Variants in FABP12 observed in about 807,000 individuals in gnomAD.
FABP12 encodes fatty acid-binding protein 12.
Under a neutral mutation model 13.7 loss-of-function variants are expected in FABP12, and 19 were observed. That is an observed-to-expected ratio of 1.39 (90% CI 0.97 to 2.04). FABP12 has a LOEUF of 2.04. Ranked by LOEUF, FABP12 falls within the 30% of genes most tolerant of loss-of-function variation. The pLI, the probability that FABP12 is intolerant of heterozygous loss-of-function variation, is 0.00. For synonymous variants in FABP12, 61 were observed against 57.0 expected (o/e 1.07, Z -0.32); for missense variants, 182 against 164.2 (o/e 1.11, Z -0.59).
chr8:81,574,309 G>A (rs1809992549), intron 1 of FABP12, among the ~76,000 whole-genome samples: 1 of 152,118 alleles, frequency 6.6e-6, no homozygotes, highest in African/African-American at 2.4e-5. Flanking sequence ...AAACCCACTC[G>A]ATCATGGTGG....
intron 4 of FABP12, chr8:81,525,752 C>T (rs1242346538): frequency 6.6e-6 from 1 of 151,988 alleles, no homozygotes; most frequent in East Asian, 1.9e-4. Flanking sequence ...ATTTTAAATG[C>T]CAACATTGAT....
Position 81,528,114 on chromosome 8 carries a change from G to A in FABP12, c.247-993C>T, listed in dbSNP as rs1369424991. Among the ~76,000 whole-genome samples the A allele has an allele frequency of 3.3e-5, 5 of 152,018 alleles. 1 individual carries two copies. In the South Asian group the frequency reaches 8.3e-4, roughly 25 times the overall value. ...TTGTTTTTGGAGATAGGGTATCACT[G>A]TGTCATCCAGGCTGGAATGCAGTGG... On this transcript the variant is annotated intron_variant, in intron 3 of 4. Coordinates refer to ENST00000360464, the Ensembl canonical transcript of FABP12.
Position 81,567,935 on chromosome 8 carries a change from C to A in FABP12, c.-185+22118G>T, listed in dbSNP as rs370143421. On this transcript the variant is annotated intron_variant, in intron 1 of 5. Coordinates refer to the FABP12 transcript ENST00000692030. Reference sequence around the variant, plus strand: ...AGGAGATCGAGACCATCCTGGCGAACAAGGTGAAACCCCGTCTCTACTAAA... The same window carrying A: ...AGGAGATCGAGACCATCCTGGCGAAAAAGGTGAAACCCCGTCTCTACTAAA... 2.2e-4 allele frequency among the ~76,000 whole-genome samples: 33 copies of A among 151,920 alleles called. No homozygotes were observed. In the East Asian group the frequency reaches 5.2e-3, roughly 24 times the overall value.
intron 1 of FABP12, among the ~76,000 whole-genome samples, chr8:81,588,197 T>C (rs946295607): frequency 1.3e-5 from 2 of 152,184 alleles, no homozygotes; most frequent in African/African-American, 4.8e-5. Context: ...AACAATACTT[T>C]GCATCCTTCA....
At chr8:81,561,262 C>T (rs1809720097) in intron 1 of FABP12, among the ~76,000 whole-genome samples, 1 of 152,252 alleles carries the variant, frequency 6.6e-6, no homozygotes, top group Non-Finnish European at 1.5e-5. Flanking sequence ...GAAAGTACTT[C>T]ATAAATGGGA....
chr8:81,531,332 T>G, exon 2 of FABP12: 2 of 1,577,196 alleles, frequency 1.3e-6, no homozygotes, highest in Non-Finnish European at 1.7e-6. Context: ...TGAGATAAGT[T>G]GATCTCAAAG....
chr8:81,542,010 A>C lies in FABP12; in HGVS notation c.-184-2267T>G, dbSNP rs144872588. On this transcript the variant is annotated intron_variant, in intron 1 of 5. Transcript: ENST00000692030. ...TCTAGGAGCCACTAGAGGCCTGGGA[A>C]TAAAACTAGAAAGGTAAACAACTTC... Among the ~76,000 whole-genome samples, 585 of 151,982 alleles carry C rather than the reference A, an allele frequency of 3.8e-3. 4 individuals carry two copies. Among genetic ancestry groups the C allele is most frequent in the African/African-American group, 0.013 (538 of 41,438 alleles).
Position 81,525,077 on chromosome 8 carries a change from T to A in FABP12, c.392A>T (p.Lys131Ile), listed in dbSNP as rs1808855047. The change falls in exon 5 of 5, where the codon AAA becomes ATA. Residue 131 changes from lysine to isoleucine, a missense_variant. By Grantham distance (102) the Lys-to-Ile change is moderately radical (BLOSUM62 -3). Transcript: ENST00000360464. ...GTTTGAGACTGAGTTTGATGATACT[T>A]TCTCGTATGTTCGTGTACAGATAAC... is the stretch of plus-strand genomic sequence containing the variant. 1 of 1,596,770 alleles carries A rather than the reference T, an allele frequency of 6.3e-7. No individual in the cohort carries two copies. Among genetic ancestry groups the A allele is most frequent in the African/African-American group, 1.3e-5 (1 of 74,730 alleles).
At chr8:81,587,172 A>C (rs898641735) in intron 1 of FABP12, among the ~76,000 whole-genome samples, 2 of 152,186 alleles carry the variant, frequency 1.3e-5, no homozygotes, top group African/African-American at 4.8e-5. Flanking sequence ...TTGGACCAGT[A>C]CCATGCTTTT....
chr8:81,535,714 A>C (rs1028517559), upstream of FABP12, among the ~76,000 whole-genome samples: 10 of 152,208 alleles, frequency 6.6e-5, no homozygotes, highest in African/African-American at 2.4e-4. Context: ...AAACGATAAC[A>C]GATCTCCTTT....
exon 5 of FABP12, chr8:81,525,095 C>T: frequency 1.9e-6 from 3 of 1,592,484 alleles, no homozygotes; most frequent in Non-Finnish European, 2.6e-6. Context: ...TGTTCGTGTA[C>T]AGATAACACT....
chr8:81,545,885 C>T (rs1809427951), intron 1 of FABP12, among the ~76,000 whole-genome samples: 1 of 152,166 alleles, frequency 6.6e-6, no homozygotes, highest in Non-Finnish European at 1.5e-5. Flanking sequence ...ACTTGGGAAT[C>T]TTCTCTAGAA....
upstream of FABP12, among the ~76,000 whole-genome samples, chr8:81,534,562 A>G (rs1809175263): frequency 6.6e-6 from 1 of 152,148 alleles, no homozygotes; most frequent in South Asian, 2.1e-4. Context: ...CTTCTTGTTC[A>G]TCCTGCCTGA....
At chr8:81,567,546 T>C (rs1414600392) in intron 1 of FABP12, among the ~76,000 whole-genome samples, 3 of 152,064 alleles carry the variant, frequency 2.0e-5, no homozygotes, top group Non-Finnish European at 2.9e-5. Flanking sequence ...GCCAAGAACA[T>C]ACATTGGAGA....
At chr8:81,548,188 C>T (rs551584158) in intron 1 of FABP12, among the ~76,000 whole-genome samples, 13 of 152,270 alleles carry the variant, frequency 8.5e-5, no homozygotes, top group Non-Finnish European at 1.5e-4. Context: ...AAATCAGAAG[C>T]TCTGGAAATG....
chr8:81,553,223 C>A (rs1360032399), intron 1 of FABP12, among the ~76,000 whole-genome samples: 2 of 152,112 alleles, frequency 1.3e-5, no homozygotes, highest in Non-Finnish European at 2.9e-5. Flanking sequence ...GCCACTAGAC[C>A]TATCTCTTCC....
At chr8:81,540,459 C>T (rs1809318170) in intron 1 of FABP12, among the ~76,000 whole-genome samples, 1 of 152,250 alleles carries the variant, frequency 6.6e-6, no homozygotes, top group South Asian at 2.1e-4. Flanking sequence ...CATTTCACTT[C>T]TGTGGTCTTC....
intron 1 of FABP12, among the ~76,000 whole-genome samples, chr8:81,540,242 A>G (rs1019451914): frequency 2.0e-5 from 3 of 152,244 alleles, no homozygotes; most frequent in African/African-American, 4.8e-5. Flanking sequence ...CATAGTTTTT[A>G]TAAGTCCTCC....
chr8:81,575,919 A>G (rs556346719), intron 1 of FABP12, among the ~76,000 whole-genome samples: 1 of 152,214 alleles, frequency 6.6e-6, no homozygotes, highest in South Asian at 2.1e-4. Flanking sequence ...CCACTCCCCA[A>G]ACCCCTGTGT....
Sources: allele counts gnomAD v4.1 joint callset (sites outside exome capture counted in the v4.1 genomes callset), GRCh38; gene constraint gnomAD v4.1.1; transcripts MANE v1.5; gene names NCBI Gene and HGNC (gene_info 2026-07-23, HGNC 2026-07-21).